Variants in SLC38A9 observed in about 807,000 individuals in gnomAD.
SLC38A9 encodes solute carrier family 38 member 9.
A neutral mutation model predicts 62.3 loss-of-function variants in SLC38A9; 48 were observed. The observed-to-expected ratio is 0.77, with a 90% CI of 0.61 to 0.98. SLC38A9 has a LOEUF of 0.98. Ranked by LOEUF, SLC38A9 falls within the 50% of genes least tolerant of loss-of-function variation. The pLI, the probability that SLC38A9 is intolerant of heterozygous loss-of-function variation, is 0.00. For synonymous variants in SLC38A9, 204 were observed against 227.7 expected, an observed-to-expected ratio of 0.90 and a Z score of 0.94; for missense variants, 541 against 679.8, an observed-to-expected ratio of 0.80 and a Z score of 2.27.
intron 10 of SLC38A9, among the ~76,000 whole-genome samples, chr5:55,650,947 A>G (rs1747284030): frequency 6.6e-6 from 1 of 151,902 alleles, no homozygotes; most frequent in African/African-American, 2.4e-5. Flanking sequence ...ATGCGCCACC[A>G]TGCCTGGCTA....
rs114021088 is a variant in SLC38A9 at position 55,674,663 on chromosome 5, T to G, written c.114-1968A>C. Among the ~76,000 whole-genome samples the G allele has an allele frequency of 4.5e-3, 681 of 152,316 alleles. 6 individuals carry two copies. The highest frequency in any genetic ancestry group is 0.016 in the African/African-American group (662 of 41,568). Reference sequence around the variant, plus strand: ...TTTAAAATTACCCAGTCTCAGGTATTCTGTTACAGCAGAATAAAAGGAACT... The same window carrying G: ...TTTAAAATTACCCAGTCTCAGGTATGCTGTTACAGCAGAATAAAAGGAACT... On this transcript the variant is annotated intron_variant, in intron 3 of 15. Coordinates refer to ENST00000396865, the MANE Select transcript of SLC38A9 (RefSeq NM_173514.4).
At chr5:55,628,105 A>C in intron 14 of SLC38A9, 125 bp from the exon 15 acceptor site, 1 of 621,476 alleles carries the variant, frequency 1.6e-6, no homozygotes, top group Non-Finnish European at 2.8e-6. Context: ...AGCTTGATAA[A>C]ATCACAGCAA....
At chr5:55,628,372 G>A (rs562060587) in intron 14 of SLC38A9, among the ~76,000 whole-genome samples, 24 of 152,240 alleles carry the variant, frequency 1.6e-4, no homozygotes, top group African/African-American at 5.8e-4. Flanking sequence ...GACAGAATAT[G>A]TTAAAAATTA....
intron 14 of SLC38A9, among the ~76,000 whole-genome samples, chr5:55,631,039 A>G (rs191048621): frequency 6.6e-6 from 1 of 152,272 alleles, no homozygotes; most frequent in Non-Finnish European, 1.5e-5. Context: ...AGGCTGAGGT[A>G]GGAGAATTGC....
At chr5:55,665,029 A>G in intron 7 of SLC38A9, 166 bp from the exon 8 acceptor site, 1 of 365,264 alleles carries the variant, frequency 2.7e-6, no homozygotes, top group East Asian at 4.5e-5. Flanking sequence ...CATTATAGAA[A>G]AATAAAAGAA....
At chr5:55,651,971 A>AC (rs1747558485) in intron 10 of SLC38A9, among the ~76,000 whole-genome samples, 1 of 91,080 alleles carries the variant, frequency 1.1e-5, no homozygotes. Flanking sequence ...AAAAAAAAAA[A>AC]ACACACACAC....
chr5:55,665,755 A>G (rs1004211843), intron 7 of SLC38A9, among the ~76,000 whole-genome samples: 1 of 151,796 alleles, frequency 6.6e-6, no homozygotes, highest in African/African-American at 2.4e-5. Context: ...CTTAAGCCTA[A>G]GAGTTGGAGA....
chr5:55,653,904 G>A (rs928813562), intron 9 of SLC38A9, among the ~76,000 whole-genome samples: 2 of 152,174 alleles, frequency 1.3e-5, no homozygotes, highest in South Asian at 2.1e-4. Context: ...TGATCTGCCC[G>A]CCTTGGCCTC....
At chr5:55,644,243 G>A (rs1294844364) in intron 12 of SLC38A9, among the ~76,000 whole-genome samples, 1 of 152,182 alleles carries the variant, frequency 6.6e-6, no homozygotes, top group Non-Finnish European at 1.5e-5. Context: ...TTATAGGTGT[G>A]AGCCACCACA....
At chr5:55,659,288 CGT>C (rs1467293344) in intron 8 of SLC38A9, among the ~76,000 whole-genome samples, 3 of 96,902 alleles carry the variant, frequency 3.1e-5, no homozygotes, top group East Asian at 2.5e-4. Flanking sequence ...CACATTTATA[CGT>C]ATATGTCTGT....
intron 14 of SLC38A9, 176 bp downstream of exon 14, chr5:55,633,578 G>C (rs539269700): frequency 5.6e-6 from 4 of 718,720 alleles, no homozygotes; most frequent in Non-Finnish European, 8.9e-6. Flanking sequence ...TTCTAGACAA[G>C]GGAGTGGCTT....
At chr5:55,677,718 T>A (rs1752312603) in intron 3 of SLC38A9, among the ~76,000 whole-genome samples, 1 of 92,160 alleles carries the variant, frequency 1.1e-5, no homozygotes, top group Non-Finnish European at 2.7e-5. Flanking sequence ...AAAATTTTTT[T>A]TTTTTTGGTA....
At chr5:55,708,729 A>G (rs1433991320) in intron 2 of SLC38A9, among the ~76,000 whole-genome samples, 1 of 152,234 alleles carries the variant, frequency 6.6e-6, no homozygotes, top group Non-Finnish European at 1.5e-5. Context: ...CTAGAGGTTG[A>G]CATATTTTTT....
chr5:55,694,595 C>T (rs1181909866), intron 3 of SLC38A9, among the ~76,000 whole-genome samples: 5 of 152,046 alleles, frequency 3.3e-5, no homozygotes, highest in Admixed American at 3.3e-4. Flanking sequence ...ATACCTTAAT[C>T]AATATACTTT....
intron 11 of SLC38A9, among the ~76,000 whole-genome samples, chr5:55,646,503 C>A (rs1294962648): frequency 6.6e-6 from 1 of 151,934 alleles, no homozygotes; most frequent in Non-Finnish European, 1.5e-5. Flanking sequence ...TTTTTTAATA[C>A]CTGAATTTGC....
chr5:55,712,013 C>A (rs34986454), intron 1 of SLC38A9, among the ~76,000 whole-genome samples: 82,460 of 151,570 alleles, frequency 0.54, 23,758 homozygotes, highest in South Asian at 0.65. Flanking sequence ...GAGGAGCGCG[C>A]GCCGTGCCTC....
intron 3 of SLC38A9, among the ~76,000 whole-genome samples, chr5:55,684,905 T>C (rs11749906): frequency 0.6 from 91,160 of 152,002 alleles, 27,921 homozygotes; most frequent in South Asian, 0.7. Flanking sequence ...TCACCTGCCT[T>C]GGCCTTCCAA....
intron 3 of SLC38A9, among the ~76,000 whole-genome samples, chr5:55,676,475 C>A (rs1020818289): frequency 1.3e-5 from 2 of 152,148 alleles, no homozygotes; most frequent in African/African-American, 4.8e-5. Context: ...ACCATACTGG[C>A]CTATAAATTT....
At chr5:55,652,785 A>C in intron 9 of SLC38A9, 62 bp from the exon 10 acceptor site, 1 of 1,406,520 alleles carries the variant, frequency 7.1e-7, no homozygotes, top group Non-Finnish European at 9.7e-7. Context: ...CAAAACAAAA[A>C]ACAGAAAATG....
Sources: allele counts gnomAD v4.1 joint callset (sites outside exome capture counted in the v4.1 genomes callset), GRCh38; gene constraint gnomAD v4.1.1; transcripts MANE v1.5; gene names NCBI Gene and HGNC (gene_info 2026-07-23, HGNC 2026-07-21).